Variants in IRAK1BP1 observed in about 807,000 individuals in gnomAD.
IRAK1BP1 encodes the protein interleukin 1 receptor associated kinase 1 binding protein 1.
Under a neutral mutation model 28.0 loss-of-function variants are expected in IRAK1BP1, and 24 were observed. The ratio of observed to expected loss-of-function variants is 0.86; its 90% CI spans 0.62 to 1.20. IRAK1BP1 has a LOEUF of 1.20. Among genes scored for constraint, IRAK1BP1 ranks in the 50% most tolerant of loss-of-function variants. The probability of loss-of-function intolerance (pLI) is 0.00; values close to 1 mark genes in which losing one functional copy is unlikely to be tolerated. For missense variants in IRAK1BP1, 336 were observed against 316.7 expected, an observed-to-expected ratio of 1.06 and a Z score of -0.46; for synonymous variants, 131 against 116.3, an observed-to-expected ratio of 1.13 and a Z score of -0.81.
intron 4 of IRAK1BP1, among the ~76,000 whole-genome samples, chr6:78,923,718 G>C (rs372112781): frequency 3.9e-5 from 6 of 152,020 alleles, no homozygotes; most frequent in African/African-American, 4.8e-5. Flanking sequence ...AACAAACTGT[G>C]TCTCAGACCA....
At chr6:78,911,737 G>C (rs1157764192) in intron 4 of IRAK1BP1, among the ~76,000 whole-genome samples, 2 of 152,192 alleles carry the variant, frequency 1.3e-5, no homozygotes, top group African/African-American at 4.8e-5. Context: ...CTCTGTACCG[G>C]GCACTGGGTT....
chr6:78,955,902 A>T, the IRAK1BP1 span: 1 of 285,012 alleles, frequency 3.5e-6, no homozygotes, highest in Non-Finnish European at 6.5e-6. Flanking sequence ...ATTACACCAA[A>T]CCCAAGTCTC....
At chr6:78,932,421 CTTTT>C (rs386407659) in intron 4 of IRAK1BP1, among the ~76,000 whole-genome samples, 3 of 123,702 alleles carry the variant, frequency 2.4e-5, no homozygotes, top group Non-Finnish European at 3.3e-5. Context: ...CTTTCTTTTT[CTTTT>C]TTTTTTTTTT....
chr6:78,932,928 C>A (rs528048700), intron 4 of IRAK1BP1, among the ~76,000 whole-genome samples: 2 of 151,912 alleles, frequency 1.3e-5, no homozygotes, highest in Non-Finnish European at 2.9e-5. Flanking sequence ...TTCTGGAAAG[C>A]AGGTCTTAAC....
At chr6:78,873,254 CAAAAAA>C (rs35962544) in intron 1 of IRAK1BP1, among the ~76,000 whole-genome samples, 3 of 41,106 alleles carry the variant, frequency 7.3e-5, no homozygotes, top group African/African-American at 2.1e-4. Flanking sequence ...AACTCTGTCT[CAAAAAA>C]AAAAAAAAAA....
chr6:78,956,548 CT>C, the IRAK1BP1 span: 1 of 152,186 alleles, frequency 6.6e-6, no homozygotes, highest in South Asian at 2.1e-4. Context: ...GCTCTCAGAG[CT>C]TATATTTTAG....
At chr6:78,952,645 CTTT>C in the IRAK1BP1 span, among the ~76,000 whole-genome samples, 2 of 152,006 alleles carry the variant, frequency 1.3e-5, no homozygotes, top group African/African-American at 4.8e-5. Context: ...TTGCTTAGAT[CTTT>C]ACACTTACTA....
the IRAK1BP1 span, among the ~76,000 whole-genome samples, chr6:78,972,010 C>T: frequency 1.3e-5 from 2 of 150,266 alleles, no homozygotes; most frequent in African/African-American, 2.4e-5. Flanking sequence ...GAAGCTCGAA[C>T]TGGGTGGAGC....
In IRAK1BP1 at chr6:78,867,681, G is replaced by A. The variant is rs199909866; in HGVS notation, c.105G>A (p.Pro35=). The A allele has an allele frequency of 1.2e-5, 19 of 1,614,202 alleles. No homozygotes were observed. In the East Asian group the frequency reaches 3.8e-4, roughly 32 times the overall value. ...TGGCCTCAGGGAGAGAGACGCTACC[G>A]GGCTTACGCCACCCCCTCTCCTCAA... is the stretch of plus-strand genomic sequence containing the variant. The part of the protein sequence containing the change: ...NNLASGRETL[P]GLRHPLSSTQ... The change falls in exon 1 of 4, where the codon CCG becomes CCA. Residue 35 remains proline (P), a synonymous_variant. Transcript: ENST00000369940.
chr6:78,961,371 C>G, the IRAK1BP1 span, among the ~76,000 whole-genome samples: 1 of 151,774 alleles, frequency 6.6e-6, no homozygotes. Flanking sequence ...AATACCTTGC[C>G]TTGCTTTATA....
chr6:78,955,829 C>T, the IRAK1BP1 span: 3 of 454,860 alleles, frequency 6.6e-6, no homozygotes, highest in South Asian at 1.1e-4. Flanking sequence ...ATAATTTATG[C>T]ACACACATTT....
At position 78,867,782 on chromosome 6, in the gene IRAK1BP1, AGGT is replaced by A; in HGVS notation, c.214_216del (p.Val72del). ...GTGTCTGCGGGCCCTGACCGGGCGC[AGGT>A]GGTGGTGCGAGTGAGCAGCACCAAG... is the stretch of plus-strand genomic sequence containing the variant. On this transcript the variant is annotated inframe_deletion, in exon 1 of 4. Transcript: ENST00000369940. The A allele has an allele frequency of 6.2e-7, 1 of 1,613,914 alleles. No individual in the cohort carries two copies. The highest frequency in any genetic ancestry group is 8.5e-7 in the Non-Finnish European group (1 of 1,179,922).
chr6:78,977,216 G>T, the IRAK1BP1 span, among the ~76,000 whole-genome samples: 270 of 151,170 alleles, frequency 1.8e-3, 1 homozygote, highest in African/African-American at 5.6e-3. Context: ...ATGAGTTCAT[G>T]TCCTTTGTAG....
downstream of IRAK1BP1, chr6:78,947,915 G>T: frequency 2.2e-6 from 1 of 460,514 alleles, no homozygotes; most frequent in South Asian, 6.6e-5. Context: ...CTTATCAAGA[G>T]TCCCTTTTTT....
At chr6:78,978,726 GTAA>G in the IRAK1BP1 span, 5 of 1,581,550 alleles carry the variant, frequency 3.2e-6, no homozygotes, top group South Asian at 5.7e-5. Flanking sequence ...CAAAATTTAA[GTAA>G]TAATTGTTAA....
the IRAK1BP1 span, among the ~76,000 whole-genome samples, chr6:78,968,958 G>C: frequency 6.6e-6 from 1 of 152,160 alleles, no homozygotes; most frequent in Non-Finnish European, 1.5e-5. Context: ...GGCTTCTACT[G>C]AATATTATTT....
the IRAK1BP1 span, chr6:78,963,082 T>A: frequency 6.4e-7 from 1 of 1,568,336 alleles, no homozygotes; most frequent in Non-Finnish European, 8.6e-7. Flanking sequence ...TATACTCGCG[T>A]GTTGCTTTAC....
In IRAK1BP1 at chr6:78,901,927, A is replaced by G. The variant is rs1477677946; in HGVS notation, c.*3593A>G. 5 of 152,186 alleles carry G rather than the reference A, an allele frequency of 3.3e-5. No homozygotes were observed. The highest frequency in any genetic ancestry group is 5.9e-5 in the Non-Finnish European group (4 of 68,036). The allele number at this position is 152,186 out of a possible 1,614,324, so 9.4% of individuals were successfully genotyped here. The stretch of plus-strand genomic sequence containing the variant: ...GCTAAGGATATCTCAACTCTGTCAG[A>G]TTTGTTGATAAGAATTTAATAGTAA... On this transcript the variant is annotated 3_prime_UTR_variant, in exon 4 of 4. Transcript: ENST00000369940.
intron 1 of IRAK1BP1, among the ~76,000 whole-genome samples, chr6:78,879,560 C>T (rs1409093537): frequency 6.6e-6 from 1 of 152,152 alleles, no homozygotes; most frequent in African/African-American, 2.4e-5. Context: ...TTATACAAAA[C>T]TTTGTTCAAA....
Sources: allele counts gnomAD v4.1 joint callset (sites outside exome capture counted in the v4.1 genomes callset), GRCh38; gene constraint gnomAD v4.1.1; transcripts MANE v1.5; gene names NCBI Gene and HGNC (gene_info 2026-07-23, HGNC 2026-07-21).